LAMA5: variants seen among roughly 807,000 people sequenced by gnomAD.
LAMA5 encodes laminin subunit alpha 5.
LAMA5 carries 260 observed loss-of-function variants against 433.4 expected under a neutral mutation model. The ratio of observed to expected loss-of-function variants is 0.60; its 90% confidence interval spans 0.54 to 0.66. The LOEUF is 0.66. Among genes scored for constraint, LAMA5 ranks in the 30% least tolerant of loss-of-function variants. LAMA5 has a pLI of 0.00. For missense variants in LAMA5, 5,378 were observed against 5,258.5 expected (o/e 1.02, Z -0.70); for synonymous variants, 2,620 against 2,226.6 (o/e 1.18, Z -4.97).
chr20:62,359,179 G>C lies in LAMA5; in HGVS notation c.450+3221C>G, dbSNP rs763821524. 6.6e-6 allele frequency among the ~76,000 whole-genome samples: 1 copy of C among 152,130 alleles called. No homozygotes were observed. The highest frequency in any genetic ancestry group is 1.5e-5 in the Non-Finnish European group (1 of 68,014). Reference sequence around the variant, plus strand: ...GGGCCTCCCTACCGGAAGGGGGCCCGTGCGTCCTCACTCCTCATCTGAGGG... The same window carrying C: ...GGGCCTCCCTACCGGAAGGGGGCCCCTGCGTCCTCACTCCTCATCTGAGGG... On this transcript the variant is annotated intron_variant, in intron 2 of 79. Transcript: ENST00000252999. This position sits in a 1 kb window ranked among gnomAD's most constrained non-coding sequence, Gnocchi z 4.3.
chr20:62,309,994 G>T lies in LAMA5; in HGVS notation c.10822C>A (p.Leu3608Ile), dbSNP rs1409082393. Reference protein sequence around the residue: ...SVLCDGQWHRLAVMKSGNVLR... With the variant: ...SVLCDGQWHRIAVMKSGNVLR... ...GCCACAGGAGGGGCCTCACCCGCTA[G>T]CCGGTGCCACTGGCCATCACACAGC... Residue 3608 changes from leucine (L) to isoleucine (I), a missense_variant, in exon 78 of 80, where the codon CTA becomes ATA. By Grantham distance (5) the Leu-to-Ile change is conservative. Transcript: ENST00000252999. 9 of 1,610,582 alleles carry T rather than the reference G, an allele frequency of 5.6e-6. No individual in the cohort carries two copies. The African/African-American group carries it at 1.2e-4, about 21-fold the overall frequency.
Position 62,347,002 on chromosome 20 carries a change from G to A in LAMA5, c.983C>T (p.Thr328Ile), listed in dbSNP as rs777342358. The change falls in exon 7 of 80, where the codon ACC (threonine) becomes ATC (isoleucine). Residue 328 changes from threonine (T) to isoleucine (I), a missense_variant. Coordinates refer to ENST00000252999, the MANE Select transcript of LAMA5 (RefSeq NM_005560.6). ...FRLQCTCQHN[T>I]CGGTCDRCCP... ...GCAGCGGTCGCAGGTGCCCCCGCAGGTGTTGTGCTGGCAGGTGCACTGCAG... is the reference window on the plus strand; with the variant it reads ...GCAGCGGTCGCAGGTGCCCCCGCAGATGTTGTGCTGGCAGGTGCACTGCAG... 4 of 1,611,878 alleles carry A rather than the reference G, an allele frequency of 2.5e-6. No homozygotes were observed. The highest frequency in any genetic ancestry group is 4.5e-5 in the East Asian group (2 of 44,882).
At chr20:62,323,921 G>T in intron 43 of LAMA5, 65 bp from the exon 44 acceptor site, 1 of 1,506,340 alleles carries the variant, frequency 6.6e-7, no homozygotes, top group African/African-American at 1.4e-5. Flanking sequence ...CGAGCACACT[G>T]TGCTCCGGCT....
At chr20:62,320,928 G>C (rs1338136224) in intron 48 of LAMA5, 38 bp from the exon 49 acceptor site, 6 of 1,588,886 alleles carry the variant, frequency 3.8e-6, no homozygotes, top group Non-Finnish European at 4.3e-6. Context: ...GTGTCATTGG[G>C]TCAGGCCAGG....
At chr20:62,320,179 G>A (rs369160270) in intron 50 of LAMA5, among the ~76,000 whole-genome samples, 1 of 151,774 alleles carries the variant, frequency 6.6e-6, no homozygotes, top group African/African-American at 2.4e-5. Flanking sequence ...TTAGCTGGGC[G>A]TGGTGGCGTG....
intron 50 of LAMA5, 113 bp downstream of exon 50, chr20:62,320,446 T>C (rs1987558932): frequency 7.8e-6 from 6 of 769,560 alleles, no homozygotes; most frequent in East Asian, 2.7e-5. Context: ...TCCTGTCCCC[T>C]GCACTGACAC....
intron 52 of LAMA5, 32 bp downstream of exon 52, chr20:62,318,811 C>T: frequency 1.2e-6 from 2 of 1,605,926 alleles, no homozygotes; most frequent in South Asian, 1.1e-5. Context: ...CTGCCTCTCC[C>T]CACCCCGCCT....
At position 62,326,659 on chromosome 20, in the gene LAMA5, C is replaced by CAA. The variant is rs1979339877; in HGVS notation, c.5298+16_5298+17dup. 3 of 1,605,712 alleles carry CAA rather than the reference C, an allele frequency of 1.9e-6. No individual in the cohort carries two copies. In the African/African-American group the frequency reaches 4.0e-5, roughly 21 times the overall value. On this transcript the variant is annotated intron_variant, in intron 40 of 79. Coordinates refer to ENST00000252999, the MANE Select transcript of LAMA5 (RefSeq NM_005560.6). ...GAGGTCCATGAGGGACCTGGGTGCC[C>CAA]AAGCCAGCTCCCCTCACCTCCACCA...
intron 6 of LAMA5, among the ~76,000 whole-genome samples, chr20:62,349,296 G>C (rs951556314): frequency 1.5e-5 from 2 of 132,516 alleles, no homozygotes; most frequent in African/African-American, 2.8e-5. Context: ...AAAAAAAAGC[G>C]TGAGTCCTGA....
Position 62,320,820 on chromosome 20 carries a change from G to T in LAMA5, c.6567C>A (p.His2189Gln), listed in dbSNP as rs199690960. 6.2e-7 allele frequency: 1 copy of T among 1,612,676 alleles called. No homozygotes were observed. The highest frequency in any genetic ancestry group is 1.3e-5 in the African/African-American group (1 of 75,076). ...ERAGALLPAI[H>Q]EQLRGINASS... The stretch of plus-strand genomic sequence containing the variant: ...TGGCATTGATGCCACGCAGTTGCTC[G>T]TGAATGGCGGGGAGGAGGGCGCCGG... Residue 2189 changes from histidine to glutamine, a missense_variant, in exon 49 of 80, where the codon CAC (histidine) becomes CAA (glutamine). Transcript: ENST00000252999.
At chr20:62,311,816 T>TGGCCCACCCACAA in intron 70 of LAMA5, 32 bp from the exon 71 acceptor site, 1 of 1,521,014 alleles carries the variant, frequency 6.6e-7, no homozygotes, top group Non-Finnish European at 8.9e-7. Context: ...GCTCGGTTTT[T>TGGCCCACCCACAA]CCCCACCCTG....
At chr20:62,321,876 T>C in intron 48 of LAMA5, 143 bp downstream of exon 48, 1 of 804,524 alleles carries the variant, frequency 1.2e-6, no homozygotes, top group Non-Finnish European at 2.1e-6. Flanking sequence ...GTGGTTGGAG[T>C]TGGACAGGCA....
In LAMA5 at chr20:62,312,870, TC is replaced by T; in HGVS notation, c.9078+17del. The T allele has an allele frequency of 6.3e-7, 1 of 1,598,684 alleles. No individual in the cohort carries two copies. Reference sequence around the variant, plus strand: ...CCATCTCCTCTCCCTGCCACCCTGGTCCCCACCCTGGCCCTACCGCCTTGCT... The same window carrying T: ...CCATCTCCTCTCCCTGCCACCCTGGTCCCACCCTGGCCCTACCGCCTTGCT... On this transcript the variant is annotated intron_variant, in intron 66 of 79. Transcript: ENST00000252999.
intron 3 of LAMA5, 169 bp downstream of exon 3, chr20:62,352,965 C>T (rs942363304): frequency 3.6e-6 from 2 of 560,998 alleles, no homozygotes; most frequent in Admixed American, 3.4e-5. Flanking sequence ...GGGACAGGAG[C>T]CAATAAATCC....
rs1986252959 is a variant in LAMA5, at chr20:62,311,385, C to A, written c.9942+16G>T. The A allele has an allele frequency of 3.2e-6, 5 of 1,546,582 alleles. No homozygotes were observed. The highest frequency in any genetic ancestry group is 4.4e-6 in the Non-Finnish European group (5 of 1,144,416). ...CAGCCACCCCAGCTCTGCCTGCTCA[C>A]CCCTGGGGTGCCCACCTTCCGGGCG... On this transcript the variant is annotated intron_variant, in intron 72 of 79. Transcript: ENST00000252999.
chr20:62,329,670 A>G, intron 32 of LAMA5, 107 bp downstream of exon 32: 1 of 1,379,176 alleles, frequency 7.3e-7, no homozygotes, highest in Non-Finnish European at 1.0e-6. Flanking sequence ...GCACAAGGCC[A>G]GGCCTCAGCA....
Position 62,311,709 on chromosome 20 carries a change from C to A in LAMA5, c.9711G>T (p.Gln3237His). The change falls in exon 71 of 80, where the codon CAG (glutamine) becomes CAT (histidine). Residue 3237 changes from glutamine to histidine, a missense_variant. Transcript: ENST00000252999. ...HRGPPPELQP[Q>H]PEGPPRLLLG... ...GGAGGAGCCTCGGGGGCCCCTCAGGCTGCGGCTGGAGCTCGGGGGGTGGTC... is the reference window on the plus strand; with the variant it reads ...GGAGGAGCCTCGGGGGCCCCTCAGGATGCGGCTGGAGCTCGGGGGGTGGTC... 6.4e-7 allele frequency: 1 copy of A among 1,569,690 alleles called. No individual in the cohort carries two copies. The highest frequency in any genetic ancestry group is 1.2e-5 in the South Asian group (1 of 85,892).
At chr20:62,333,006 TA>T in intron 26 of LAMA5, 83 bp downstream of exon 26, 1 of 1,388,418 alleles carries the variant, frequency 7.2e-7, no homozygotes, top group Non-Finnish European at 9.5e-7. Context: ...CCTGCTCCTA[TA>T]ACCTGCCACC....
At position 62,362,620 on chromosome 20, in the gene LAMA5, C is replaced by A. The variant is rs1375623558; in HGVS notation, c.298-68G>T. ...GGCCCCCTTCCTCCTCCACAGTCAC[C>A]CTGCTGCCCCGAGACAAGTCCTGGT... On this transcript the variant is annotated intron_variant, in intron 1 of 79. Coordinates refer to ENST00000252999, the MANE Select transcript of LAMA5 (RefSeq NM_005560.6). 2.3e-6 allele frequency: 3 copies of A among 1,332,292 alleles called. No individual in the cohort carries two copies. In the South Asian group the frequency reaches 5.1e-5, roughly 23 times the overall value. 82.5% of individuals were successfully genotyped at this position (1,332,292 alleles called of 1,614,324 possible). A position where few individuals can be genotyped will look rare whatever the true frequency, so the allele number is the denominator to read the frequency against.
Sources: gnomAD v4.1 joint callset for allele counts (sites outside exome capture counted in the v4.1 genomes callset) on GRCh38, gnomAD v4.1.1 for gene constraint, Gnocchi (gnomAD v3.1) non-coding constraint, MANE v1.5 for transcripts, NCBI Gene and HGNC (gene_info 2026-07-23, HGNC 2026-07-21) for gene names.